The following EEFSEC variants were observed in gnomAD, a reference collection of about 807,000 sequenced individuals.
EEFSEC encodes eukaryotic elongation factor, selenocysteine-tRNA specific.
A neutral mutation model predicts 42.1 loss-of-function variants in EEFSEC; 43 were observed. That is an observed-to-expected ratio of 1.02 (90% CI 0.80 to 1.32). The LOEUF (loss-of-function observed/expected upper bound fraction) is 1.32. Among genes scored for constraint, EEFSEC ranks in the 40% most tolerant of loss-of-function variants. The pLI is 0.00. For synonymous variants in EEFSEC, 354 were observed against 339.1 expected, an observed-to-expected ratio of 1.04 and a Z score of -0.48; for missense variants, 745 against 803.6, an observed-to-expected ratio of 0.93 and a Z score of 0.88.
chr3:128,336,392 G>A (rs1279145192), intron 4 of EEFSEC, among the ~76,000 whole-genome samples: 1 of 152,112 alleles, frequency 6.6e-6, no homozygotes, highest in Non-Finnish European at 1.5e-5. Context: ...TGTATAGCCA[G>A]TTTGCATCTT....
chr3:128,253,694 G>A lies in EEFSEC; in HGVS notation c.524+6651G>A, dbSNP rs183352233. 5.0e-3 allele frequency among the ~76,000 whole-genome samples: 748 copies of A among 150,076 alleles called. 8 individuals carry two copies. Among genetic ancestry groups the A allele is most frequent in the South Asian group, 0.031 (148 of 4,780 alleles). ...TTTGTGAATTATTTTTCCCTCCCTC[G>A]TTCCCTCTCCAAGCTCTCTTTTGTC... is the stretch of plus-strand genomic sequence containing the variant. On this transcript the variant is annotated intron_variant, in intron 2 of 6. Transcript: ENST00000254730.
chr3:128,227,031 G>A lies in EEFSEC; in HGVS notation c.317-19805G>A, dbSNP rs560543583. Reference sequence around the variant, plus strand: ...GGCCCCTCTCGGGCCATTGCATCCTGTCCCTCTGGTTGCTTGCTTGGGGCT... The same window carrying A: ...GGCCCCTCTCGGGCCATTGCATCCTATCCCTCTGGTTGCTTGCTTGGGGCT... On this transcript the variant is annotated intron_variant, in intron 1 of 6. Coordinates refer to ENST00000254730, the MANE Select transcript of EEFSEC (RefSeq NM_021937.5). Among the ~76,000 whole-genome samples the A allele has an allele frequency of 3.9e-5, 6 of 152,302 alleles. No individual in the cohort carries two copies. The South Asian group carries it at 8.3e-4, about 21-fold the overall frequency.
intron 2 of EEFSEC, among the ~76,000 whole-genome samples, chr3:128,250,138 T>C (rs188233592): frequency 6.6e-6 from 1 of 152,340 alleles, no homozygotes; most frequent in East Asian, 1.9e-4. Flanking sequence ...TAGTTATTTA[T>C]GTATTCTGGA....
chr3:128,195,048 C>G (rs1473528414), intron 1 of EEFSEC, among the ~76,000 whole-genome samples: 2 of 152,286 alleles, frequency 1.3e-5, no homozygotes, highest in South Asian at 4.1e-4. Context: ...CCACCCCTCC[C>G]CTTCTCCCAC....
intron 6 of EEFSEC, among the ~76,000 whole-genome samples, chr3:128,403,789 T>TTCCTCC (rs527752590): frequency 3.3e-5 from 5 of 151,902 alleles, no homozygotes; most frequent in Admixed American, 1.3e-4. Context: ...GGGTCCAGCA[T>TTCCTCC]TCCTCCTCCT....
chr3:128,214,539 AATATG>A (rs2065790120), intron 1 of EEFSEC, among the ~76,000 whole-genome samples: 1 of 152,256 alleles, frequency 6.6e-6, no homozygotes, highest in Non-Finnish European at 1.5e-5. Flanking sequence ...TTGGTTAGAA[AATATG>A]ATATGAGATC....
intron 4 of EEFSEC, among the ~76,000 whole-genome samples, chr3:128,300,692 C>T (rs569532213): frequency 6.6e-6 from 1 of 152,208 alleles, no homozygotes; most frequent in African/African-American, 2.4e-5. Flanking sequence ...AATTTAGTAG[C>T]TTAAAACAAC....
chr3:128,220,985 G>A (rs571355424), intron 1 of EEFSEC, among the ~76,000 whole-genome samples: 10 of 152,314 alleles, frequency 6.6e-5, no homozygotes, highest in East Asian at 5.8e-4. Context: ...GTGAATTCTC[G>A]TTACTCTCAG....
chr3:128,317,313 T>C lies in EEFSEC; in HGVS notation c.787-23920T>C, dbSNP rs1425282553. 1.3e-5 allele frequency among the ~76,000 whole-genome samples: 2 copies of C among 152,180 alleles called. No individual in the cohort carries two copies. The highest frequency in any genetic ancestry group is 2.9e-5 in the Non-Finnish European group (2 of 68,008). ...ATACACACGGTGTGCTCACATGCAG[T>C]GCGTCCCCAGACTTGTAAGCCTGGC... On this transcript the variant is annotated intron_variant, in intron 4 of 6. Coordinates refer to ENST00000254730, the MANE Select transcript of EEFSEC (RefSeq NM_021937.5). This position sits in a 1 kb window ranked among gnomAD's most constrained non-coding sequence, Gnocchi z 4.1.
At chr3:128,245,197 A>G (rs1178755312) in intron 1 of EEFSEC, among the ~76,000 whole-genome samples, 2 of 152,246 alleles carry the variant, frequency 1.3e-5, no homozygotes, top group Non-Finnish European at 2.9e-5. Flanking sequence ...GCAGCAGCCC[A>G]TTAGGGACTA....
At chr3:128,398,899 G>A (rs1559958838) in intron 6 of EEFSEC, among the ~76,000 whole-genome samples, 1 of 152,108 alleles carries the variant, frequency 6.6e-6, no homozygotes, top group African/African-American at 2.4e-5. Flanking sequence ...GATGAGGGAT[G>A]GGGGCTATCC....
chr3:128,155,256 A>G (rs1944357249), intron 1 of EEFSEC, among the ~76,000 whole-genome samples: 1 of 152,150 alleles, frequency 6.6e-6, no homozygotes. Flanking sequence ...CTGGGACTAC[A>G]GGTGCACATC....
At chr3:128,414,105 G>A in the EEFSEC span, among the ~76,000 whole-genome samples, 3 of 152,168 alleles carry the variant, frequency 2.0e-5, no homozygotes, top group African/African-American at 4.8e-5. Flanking sequence ...CCTGCCTCCC[G>A]CCAACGTCTA....
chr3:128,233,050 C>T (rs923650117), intron 1 of EEFSEC, among the ~76,000 whole-genome samples: 8 of 152,164 alleles, frequency 5.3e-5, no homozygotes, highest in Non-Finnish European at 1.0e-4. Flanking sequence ...TGATGCCTGG[C>T]GCATCATTAA....
At chr3:128,313,662 C>T (rs993137531) in intron 4 of EEFSEC, among the ~76,000 whole-genome samples, 14 of 152,228 alleles carry the variant, frequency 9.2e-5, no homozygotes, top group Non-Finnish European at 1.8e-4. Context: ...TAACAGGGCA[C>T]TTGTAACCAG....
chr3:128,216,383 A>G (rs1461877643), intron 1 of EEFSEC, among the ~76,000 whole-genome samples: 4 of 152,158 alleles, frequency 2.6e-5, no homozygotes, highest in African/African-American at 9.7e-5. Context: ...GATTGGTTGT[A>G]GAAGCCGAAA....
intron 4 of EEFSEC, among the ~76,000 whole-genome samples, chr3:128,321,178 A>G (rs2067004153): frequency 6.6e-6 from 1 of 152,122 alleles, no homozygotes; most frequent in African/African-American, 2.4e-5. Flanking sequence ...GGTGGGAGAC[A>G]GGTGGGAAGC....
At chr3:128,344,941 T>G (rs1050800390) in intron 5 of EEFSEC, among the ~76,000 whole-genome samples, 1 of 152,232 alleles carries the variant, frequency 6.6e-6, no homozygotes, top group African/African-American at 2.4e-5. Flanking sequence ...TGGCTGAGTT[T>G]GTTCCAAAGG....
chr3:128,247,796 G>GAGGAGA (rs1442704053), intron 2 of EEFSEC, among the ~76,000 whole-genome samples: 1 of 152,054 alleles, frequency 6.6e-6, no homozygotes, highest in Non-Finnish European at 1.5e-5. Flanking sequence ...AGAGGAGAAG[G>GAGGAGA]AGGAGAAGGA....
Sources: gnomAD v4.1 joint callset for allele counts (sites outside exome capture counted in the v4.1 genomes callset) on GRCh38, gnomAD v4.1.1 for gene constraint, Gnocchi (gnomAD v3.1) non-coding constraint, MANE v1.5 for transcripts, NCBI Gene and HGNC (gene_info 2026-07-23, HGNC 2026-07-21) for gene names.